The following CCDC122 variants were observed in gnomAD, a reference collection of about 807,000 sequenced individuals.
The protein encoded by CCDC122 is coiled-coil domain-containing protein 122.
A neutral mutation model predicts 37.0 loss-of-function variants in CCDC122; 38 were observed. The ratio of observed to expected loss-of-function variants is 1.03; its 90% confidence interval spans 0.79 to 1.35. CCDC122 has a LOEUF of 1.35. Ranked by LOEUF, CCDC122 falls within the 40% of genes most tolerant of loss-of-function variation. The probability of loss-of-function intolerance (pLI) is 0.00; values close to 1 mark genes in which losing one functional copy is unlikely to be tolerated. For missense variants in CCDC122, 305 were observed against 310.0 expected (o/e 0.98, Z 0.12); for synonymous variants, 83 against 95.6 (o/e 0.87, Z 0.77).
intron 5 of CCDC122, 81 bp from the exon 6 acceptor site, chr13:43,858,978 T>G: frequency 4.5e-6 from 5 of 1,119,764 alleles, no homozygotes; most frequent in Non-Finnish European, 4.8e-6. Flanking sequence ...TTTCTATAAT[T>G]TAAGAAAACT....
chr13:43,821,040 A>T (rs1274236662), downstream of CCDC122, among the ~76,000 whole-genome samples: 1 of 152,230 alleles, frequency 6.6e-6, no homozygotes, highest in Admixed American at 6.5e-5. Flanking sequence ...ATGCTATTCC[A>T]TAAGGTCCAG....
intron 6 of CCDC122, among the ~76,000 whole-genome samples, chr13:43,850,900 G>T (rs1393084440): frequency 2.6e-5 from 4 of 152,258 alleles, no homozygotes; most frequent in African/African-American, 9.6e-5. Flanking sequence ...GAAAACAGAA[G>T]AATGTTTTTT....
intron 6 of CCDC122, chr13:43,855,287 A>T (rs1319883336): frequency 3.9e-5 from 6 of 152,134 alleles, no homozygotes; most frequent in Admixed American, 2.0e-4. Flanking sequence ...GTCTTAGGAT[A>T]CAAAATCAAT....
chr13:43,829,270 T>C (rs988122820), intron 3 of CCDC122, among the ~76,000 whole-genome samples: 7 of 152,324 alleles, frequency 4.6e-5, no homozygotes, highest in Middle Eastern at 3.4e-3. Context: ...GTAGATGTGA[T>C]AATGAATGGC....
At chr13:43,871,106 A>G (rs1232398594) in intron 2 of CCDC122, among the ~76,000 whole-genome samples, 1 of 152,096 alleles carries the variant, frequency 6.6e-6, no homozygotes, top group East Asian at 1.9e-4. Context: ...GAAAATACTC[A>G]TGGATAAGTG....
intron 3 of CCDC122, among the ~76,000 whole-genome samples, chr13:43,830,905 A>G (rs1953083153): frequency 6.6e-6 from 1 of 152,162 alleles, no homozygotes; most frequent in Non-Finnish European, 1.5e-5. Context: ...ATTTTTTATT[A>G]AAAGAGATGA....
intron 3 of CCDC122, among the ~76,000 whole-genome samples, chr13:43,824,902 T>C (rs1159558156): frequency 6.6e-6 from 1 of 152,202 alleles, no homozygotes; most frequent in South Asian, 2.1e-4. Flanking sequence ...AAACAACAGA[T>C]GCTGGTGAGG....
chr13:43,848,045 G>T (rs1438816010), intron 6 of CCDC122, among the ~76,000 whole-genome samples: 1 of 152,154 alleles, frequency 6.6e-6, no homozygotes, highest in Admixed American at 6.5e-5. Context: ...AAAGTGCTGG[G>T]ATTACAGGTA....
chr13:43,844,634 G>C (rs754290271), intron 6 of CCDC122, among the ~76,000 whole-genome samples: 1 of 151,646 alleles, frequency 6.6e-6, no homozygotes, highest in East Asian at 1.9e-4. Flanking sequence ...CTTTGGTTCT[G>C]TTTGTTTTTG....
chr13:43,844,223 C>T (rs536600276), intron 6 of CCDC122, among the ~76,000 whole-genome samples: 23 of 152,026 alleles, frequency 1.5e-4, no homozygotes, highest in African/African-American at 3.9e-4. Context: ...ATTTTCCATA[C>T]GTTGTGTTTT....
chr13:43,857,825 C>T (rs992203917), intron 6 of CCDC122, among the ~76,000 whole-genome samples: 3 of 152,002 alleles, frequency 2.0e-5, no homozygotes, highest in African/African-American at 7.3e-5. Context: ...ATCGCTGGAA[C>T]CCGGGAGGCC....
downstream of CCDC122, among the ~76,000 whole-genome samples, chr13:43,822,365 T>C (rs771885025): frequency 3.3e-5 from 5 of 152,260 alleles, no homozygotes; most frequent in Non-Finnish European, 5.9e-5. Context: ...CTACCACCAC[T>C]GGGACTGCAC....
intron 6 of CCDC122, among the ~76,000 whole-genome samples, chr13:43,852,921 T>A (rs190427377): frequency 6.0e-4 from 92 of 152,162 alleles, no homozygotes; most frequent in Admixed American, 2.8e-3. Flanking sequence ...AAGATCCTTT[T>A]CAGATAAGCA....
At chr13:43,876,562 G>A (rs1954617810) in intron 1 of CCDC122, among the ~76,000 whole-genome samples, 1 of 152,158 alleles carries the variant, frequency 6.6e-6, no homozygotes, top group South Asian at 2.1e-4. Flanking sequence ...TAAGTCATAA[G>A]TGACTAATTC....
intron 5 of CCDC122, among the ~76,000 whole-genome samples, chr13:43,859,411 C>T (rs1447427143): frequency 6.6e-6 from 1 of 152,068 alleles, no homozygotes; most frequent in East Asian, 1.9e-4. Context: ...TAATTGTTCA[C>T]TGTGATTTTA....
intron 6 of CCDC122, among the ~76,000 whole-genome samples, chr13:43,838,917 G>GT (rs1451707849): frequency 6.6e-6 from 1 of 152,186 alleles, no homozygotes; most frequent in Non-Finnish European, 1.5e-5. Flanking sequence ...GAGAATTTCA[G>GT]TATTATAATG....
intron 6 of CCDC122, among the ~76,000 whole-genome samples, chr13:43,840,780 C>T (rs374087813): frequency 0.49 from 67,669 of 138,354 alleles, 18,716 homozygotes; most frequent in Non-Finnish European, 0.62. Context: ...ATCCAGTTTA[C>T]AATTGTTGGA....
chr13:43,859,204 AT>A (rs1233882876), intron 5 of CCDC122, among the ~76,000 whole-genome samples: 1 of 152,148 alleles, frequency 6.6e-6, no homozygotes, highest in Non-Finnish European at 1.5e-5. Context: ...AATGATCAAT[AT>A]TTTAAGTTTG....
rs1953166061 is a variant in CCDC122, at chr13:43,836,582, G to C, written c.*698C>G. 1 of 152,086 alleles carries C rather than the reference G, an allele frequency of 6.6e-6. No homozygotes were observed. The highest frequency in any genetic ancestry group is 6.5e-5 in the Admixed American group (1 of 15,274). The allele number at this position is 152,086 out of a possible 1,614,324, so 9.4% of individuals were successfully genotyped here. On this transcript the variant is annotated 3_prime_UTR_variant, in exon 7 of 7. Coordinates refer to ENST00000444614, the MANE Select transcript of CCDC122 (RefSeq NM_144974.5). Reference sequence around the variant, plus strand: ...AAGTTCGAAACAGGCCGGGCGCGGTGGCTCACGCCTGTAATCCCAGCACTT... The same window carrying C: ...AAGTTCGAAACAGGCCGGGCGCGGTCGCTCACGCCTGTAATCCCAGCACTT...
Sources: gnomAD v4.1 joint callset for allele counts (sites outside exome capture counted in the v4.1 genomes callset) on GRCh38, gnomAD v4.1.1 for gene constraint, MANE v1.5 for transcripts, NCBI Gene and HGNC (gene_info 2026-07-23, HGNC 2026-07-21) for gene names.